GREB1: variants seen among roughly 807,000 people sequenced by gnomAD.
GREB1 encodes protein GREB1.
In GREB1, 106 loss-of-function variants were observed where a neutral mutation model predicts 200.7. The ratio of observed to expected loss-of-function variants is 0.53; its 90% CI spans 0.45 to 0.62. GREB1 has a LOEUF of 0.62. GREB1 is among the 20% of genes least tolerant of loss of function. GREB1 has a pLI of 0.00. For synonymous variants in GREB1, 1,132 were observed against 1,092.4 expected (o/e 1.04, Z -0.72); for missense variants, 2,243 against 2,556.8 (o/e 0.88, Z 2.65).
Position 11,588,750 on chromosome 2 carries a change from T to C in GREB1, c.1164T>C (p.His388=), listed in dbSNP as rs2148150805. 1 of 1,614,026 alleles carries C rather than the reference T, an allele frequency of 6.2e-7. No homozygotes were observed. Among genetic ancestry groups the C allele is most frequent in the Non-Finnish European group, 8.5e-7 (1 of 1,179,852 alleles). Residue 388 remains histidine (H), a synonymous_variant, in exon 10 of 33, where the codon CAT becomes CAC. Transcript: ENST00000381486. ...GTCGCTGCTGTTCCTCTGCAGGCCA[T>C]GGGAACTTCCCTTACCTCTGTGGGA... The part of the protein sequence containing the change: ...CKAKPVIFKG[H]GNFPYLCGNL...
intron 24 of GREB1, among the ~76,000 whole-genome samples, chr2:11,626,445 A>C (rs1684458773): frequency 6.6e-6 from 1 of 152,044 alleles, no homozygotes; most frequent in Non-Finnish European, 1.5e-5. Flanking sequence ...AAAATTAGCC[A>C]GGTTTGGTGG....
In GREB1 at chr2:11,570,930, C is replaced by T. The variant is rs537175053; in HGVS notation, c.454+4274C>T. Among the ~76,000 whole-genome samples the T allele has an allele frequency of 2.0e-5, 3 of 152,260 alleles. No individual in the cohort carries two copies. The South Asian group carries it at 6.2e-4, about 32-fold the overall frequency. On this transcript the variant is annotated intron_variant, in intron 4 of 32. Coordinates refer to ENST00000381486, the MANE Select transcript of GREB1 (RefSeq NM_014668.4). ...AACACCTGGGACCCCTGCCCCACTT[C>T]CTGTCTCACCTGGAATCCTGGTACG... is the stretch of plus-strand genomic sequence containing the variant.
chr2:11,497,486 T>C (rs560195317), intron 1 of GREB1, among the ~76,000 whole-genome samples: 1 of 152,322 alleles, frequency 6.6e-6, no homozygotes, highest in East Asian at 1.9e-4. Flanking sequence ...GGGATAAATA[T>C]CCAAGAGTGC....
At position 11,597,729 on chromosome 2, in the gene GREB1, C is replaced by A; in HGVS notation, c.1955-52C>A. On this transcript the variant is annotated intron_variant, in intron 13 of 32. Coordinates refer to ENST00000381486, the MANE Select transcript of GREB1 (RefSeq NM_014668.4). This position sits in a 1 kb window ranked among gnomAD's most constrained non-coding sequence, Gnocchi z 4.1. ...ACTGATTCTCTGGCCAAGGGCCTGG[C>A]AGTAGCCGTGTGCCCTGGAGCTCAC... 1 of 1,524,928 alleles carries A rather than the reference C, an allele frequency of 6.6e-7. No homozygotes were observed. The highest frequency in any genetic ancestry group is 9.1e-7 in the Non-Finnish European group (1 of 1,099,866). The allele number at this position is 1,524,928 out of a possible 1,614,324, so 94.5% of individuals were successfully genotyped here.
Position 11,576,414 on chromosome 2 carries a change from C to T in GREB1, c.516C>T (p.Ser172=). ...KKGFCYFTEF[S]NHINLKLTTQ... ...GCTTCTGTTACTTCACGGAATTCTC[C>T]AATCATATAAATCTGAAACTGACCA... Residue 172 remains serine (S), a synonymous_variant, in exon 5 of 33, where the codon TCC becomes TCT. Coordinates refer to ENST00000381486, the MANE Select transcript of GREB1 (RefSeq NM_014668.4). 6.2e-7 allele frequency: 1 copy of T among 1,613,942 alleles called. No homozygotes were observed. The highest frequency in any genetic ancestry group is 8.5e-7 in the Non-Finnish European group (1 of 1,179,778).
chr2:11,610,004 T>TACA (rs1558629149), intron 17 of GREB1, among the ~76,000 whole-genome samples: 2 of 152,186 alleles, frequency 1.3e-5, no homozygotes, highest in Non-Finnish European at 2.9e-5. Flanking sequence ...GCTTTTCCAT[T>TACA]GGTGCCCTGG....
intron 4 of GREB1, among the ~76,000 whole-genome samples, chr2:11,571,045 A>AT (rs1357613644): frequency 6.6e-6 from 1 of 152,000 alleles, no homozygotes; most frequent in Non-Finnish European, 1.5e-5. Flanking sequence ...CTGGATATAT[A>AT]TATATATAAA....
In GREB1 at chr2:11,588,855, G is replaced by A. The variant is rs147760974; in HGVS notation, c.1269G>A (p.Gln423=). The A allele has an allele frequency of 2.2e-5, 35 of 1,614,150 alleles. No homozygotes were observed. The Admixed American group carries it at 3.5e-4, about 16-fold the overall frequency. ...NSQSVSRAYE[Q]YGASAIQPIS... Reference sequence around the variant, plus strand: ...AGTCTGTCTCACGGGCATACGAGCAGTACGGCGCCTCTGCCATCCAGCCCA... The same window carrying A: ...AGTCTGTCTCACGGGCATACGAGCAATACGGCGCCTCTGCCATCCAGCCCA... The change falls in exon 10 of 33, where the codon CAG becomes CAA. Residue 423 remains glutamine (Q), a synonymous_variant. Coordinates refer to ENST00000381486, the MANE Select transcript of GREB1 (RefSeq NM_014668.4).
In GREB1 at chr2:11,501,920, T is replaced by G. The variant is rs1356093538; in HGVS notation, c.-159+19539T>G. ...GTTTTTTTTTGTTTTTTTTTTTTTT[T>G]TTTTTTTTTTTTTGAGATGGAGTTT... On this transcript the variant is annotated intron_variant, in intron 1 of 2. Coordinates refer to the GREB1 transcript ENST00000628795. 5.4e-3 allele frequency among the ~76,000 whole-genome samples: 639 copies of G among 118,040 alleles called. 4 individuals carry two copies. Among genetic ancestry groups the G allele is most frequent in the Non-Finnish European group, 9.3e-3 (530 of 56,826 alleles). 77.4% of individuals were successfully genotyped at this position (118,040 alleles called of 152,430 possible).
chr2:11,579,435 G>T (rs949446665), intron 6 of GREB1, among the ~76,000 whole-genome samples: 1 of 151,376 alleles, frequency 6.6e-6, no homozygotes, highest in African/African-American at 2.4e-5. Context: ...TAGGGCAATT[G>T]TAAGAATTAA....
rs139061496 is a variant in GREB1, at chr2:11,538,895, TTTCC to T, written c.-162+4654_-162+4657del. Among the ~76,000 whole-genome samples, 72 of 29,694 alleles carry T rather than the reference TTTCC, an allele frequency of 2.4e-3. 1 individual carries two copies. The highest frequency in any genetic ancestry group is 4.4e-3 in the Non-Finnish European group (60 of 13,588). The allele number at this position is 29,694 out of a possible 152,430, so 19.5% of individuals were successfully genotyped here. A position where few individuals can be genotyped will look rare whatever the true frequency, so the allele number is the denominator to read the frequency against. On this transcript the variant is annotated intron_variant, in intron 1 of 32. Coordinates refer to ENST00000381486, the MANE Select transcript of GREB1 (RefSeq NM_014668.4). ...TCCCTTTTTCCCTCCCTCTCTTTCT[TTTCC>T]TTCCTTCCTTCCCCCTCCCCTCCCC...
intron 1 of GREB1, among the ~76,000 whole-genome samples, chr2:11,542,037 T>TG (rs1674805358): frequency 6.6e-6 from 1 of 151,612 alleles, no homozygotes; most frequent in East Asian, 1.9e-4. Flanking sequence ...TGCCCCCATC[T>TG]CTTCTATTTT....
chr2:11,527,214 A>G (rs376386250), intron 1 of GREB1, among the ~76,000 whole-genome samples: 33 of 152,218 alleles, frequency 2.2e-4, no homozygotes, highest in African/African-American at 7.5e-4. Context: ...GAATGCACCT[A>G]TTGCTATCAT....
In GREB1 at chr2:11,633,600, G is replaced by A. The variant is rs1036587350; in HGVS notation, c.4992-531G>A. 3.2e-4 allele frequency among the ~76,000 whole-genome samples: 49 copies of A among 151,322 alleles called. 1 individual carries two copies. The highest frequency in any genetic ancestry group is 8.4e-4 in the South Asian group (4 of 4,778). ...AAGAAAGAAAAAAATTGTTATTGAA[G>A]TATAATGCAGAAAATCACACTATCC... On this transcript the variant is annotated intron_variant, in intron 28 of 32. Transcript: ENST00000381486. This position sits in a 1 kb window ranked among gnomAD's most constrained non-coding sequence, Gnocchi z 4.1.
Position 11,618,834 on chromosome 2 carries a change from C to A in GREB1, c.3959C>A (p.Pro1320His), listed in dbSNP as rs1417840103. The A allele has an allele frequency of 2.5e-6, 4 of 1,604,110 alleles. No individual in the cohort carries two copies. Residue 1320 changes from proline to histidine, a missense_variant, in exon 22 of 33, where the codon CCC (proline) becomes CAC (histidine). Pro to His is a moderately conservative substitution (Grantham distance 77). Around this residue, in one of 3 missense-constraint regions of GREB1, gnomAD observed 587 missense variants for 553.1 expected, o/e 1.06. Coordinates refer to ENST00000381486, the MANE Select transcript of GREB1 (RefSeq NM_014668.4). ...TACCGGCAGTGGACGGTGCCCCGGC[C>A]CAGCCACATGGACTACGGCAACCGG... ...LYYRQWTVPRPSHMDYGNRAE... is the reference protein window; with the variant it reads ...LYYRQWTVPRHSHMDYGNRAE...
At chr2:11,621,863 T>C (rs964832461) in intron 23 of GREB1, among the ~76,000 whole-genome samples, 13 of 152,236 alleles carry the variant, frequency 8.5e-5, no homozygotes, top group Non-Finnish European at 7.3e-5. Flanking sequence ...CTGAGTTTTC[T>C]AAGGTTTCCC....
chr2:11,584,953 T>G, intron 7 of GREB1: 1 of 417,712 alleles, frequency 2.4e-6, no homozygotes. Flanking sequence ...TAAGGAGGGG[T>G]GAACCGGTCC....
Position 11,569,169 on chromosome 2 carries a change from C to T in GREB1, c.454+2513C>T, listed in dbSNP as rs554643695. 4.5e-4 allele frequency among the ~76,000 whole-genome samples: 69 copies of T among 152,324 alleles called. 1 individual carries two copies. The South Asian group carries it at 0.012, about 27-fold the overall frequency. On this transcript the variant is annotated intron_variant, in intron 4 of 32. Transcript: ENST00000381486. ...CCGGTAATTTATCTAAATGGGTTGACAGCTCAGACATAAAAAAGGAAAACA... is the reference window on the plus strand; with the variant it reads ...CCGGTAATTTATCTAAATGGGTTGATAGCTCAGACATAAAAAAGGAAAACA...
chr2:11,504,261 A>T (rs1572559774), intron 1 of GREB1, among the ~76,000 whole-genome samples: 1 of 152,210 alleles, frequency 6.6e-6, no homozygotes, highest in South Asian at 2.1e-4. Context: ...AGATTTCATC[A>T]TGCTGCTAAG....
Sources: allele counts gnomAD v4.1 joint callset (sites outside exome capture counted in the v4.1 genomes callset), GRCh38; gene constraint gnomAD v4.1.1; regional missense constraint gnomAD v4.1.1; non-coding constraint Gnocchi (gnomAD v3.1); transcripts MANE v1.5; gene names NCBI Gene and HGNC (gene_info 2026-07-23, HGNC 2026-07-21).